The following TNNI3K variants were observed in gnomAD, a reference collection of about 807,000 sequenced individuals.
TNNI3K encodes the protein serine/threonine-protein kinase TNNI3K.
In TNNI3K, 140 loss-of-function variants were observed where a neutral mutation model predicts 114.5. The observed-to-expected ratio is 1.22, with a 90% CI of 1.07 to 1.41. The LOEUF (loss-of-function observed/expected upper bound fraction) is 1.41. Ranked by LOEUF, TNNI3K falls within the 40% of genes most tolerant of loss-of-function variation. The pLI is 0.00. For synonymous variants in TNNI3K, 347 were observed against 347.5 expected, an observed-to-expected ratio of 1.00 and a Z score of 0.02; for missense variants, 1,125 against 1,007.6, an observed-to-expected ratio of 1.12 and a Z score of -1.58.
intron 5 of TNNI3K, among the ~76,000 whole-genome samples, chr1:74,306,322 T>A (rs1658630790): frequency 1.3e-5 from 2 of 152,216 alleles, no homozygotes. Flanking sequence ...TATTGTGAAT[T>A]GTGCTATGAT....
chr1:74,403,733 C>T (rs1664481213), intron 17 of TNNI3K, among the ~76,000 whole-genome samples: 1 of 152,260 alleles, frequency 6.6e-6, no homozygotes, highest in Middle Eastern at 3.4e-3. Context: ...GAATCTTTGG[C>T]ATCATGTATG....
chr1:74,378,641 T>TATATATAAAATATATATA (rs1663044515), intron 17 of TNNI3K: 1 of 123,280 alleles, frequency 8.1e-6, no homozygotes, highest in African/African-American at 3.1e-5. Flanking sequence ...TATATATATA[T>TATATATAAAATATATATA]TTCATTTCAT....
At position 74,259,875 on chromosome 1, in the gene TNNI3K, A is replaced by C. The variant is rs766354339; in HGVS notation, c.333+9106A>C. ...TAGCTAACTAGGCATCCCTTAACCC[A>C]GTCAAGTTGGCACCTAAAATTAAGC... On this transcript the variant is annotated intron_variant, in intron 4 of 24. Transcript: ENST00000326637. 1.3e-4 allele frequency among the ~76,000 whole-genome samples: 20 copies of C among 152,210 alleles called. No individual in the cohort carries two copies. In the South Asian group the frequency reaches 1.4e-3, roughly 11 times the overall value.
chr1:74,349,061 C>G (rs1014958436), intron 9 of TNNI3K, among the ~76,000 whole-genome samples: 2 of 152,158 alleles, frequency 1.3e-5, no homozygotes, highest in Non-Finnish European at 2.9e-5. Context: ...GAGAGGGCAT[C>G]CCTGTCTTGT....
At chr1:74,436,237 A>T (rs1202340521) in intron 18 of TNNI3K, 105 bp downstream of exon 18, 2 of 1,387,272 alleles carry the variant, frequency 1.4e-6, no homozygotes, top group Non-Finnish European at 2.0e-6. Flanking sequence ...TGACAGCTAT[A>T]CTACACTGAA....
chr1:74,479,092 T>C (rs1381660060), intron 21 of TNNI3K, among the ~76,000 whole-genome samples: 1 of 152,170 alleles, frequency 6.6e-6, no homozygotes, highest in Non-Finnish European at 1.5e-5. Context: ...AATAATGATT[T>C]ATAGCACATA....
At chr1:74,274,913 T>C (rs888212846) in intron 5 of TNNI3K, among the ~76,000 whole-genome samples, 1 of 152,128 alleles carries the variant, frequency 6.6e-6, no homozygotes. Context: ...ATGTAATTTA[T>C]TGAATACTGT....
At chr1:74,242,935 C>T (rs909620258) in intron 2 of TNNI3K, among the ~76,000 whole-genome samples, 4 of 152,046 alleles carry the variant, frequency 2.6e-5, no homozygotes, top group African/African-American at 9.7e-5. Flanking sequence ...TTCTCTCCCC[C>T]TTACCCTTCA....
chr1:74,400,069 A>C (rs1298409711), intron 17 of TNNI3K, among the ~76,000 whole-genome samples: 2 of 152,196 alleles, frequency 1.3e-5, no homozygotes, highest in Admixed American at 1.3e-4. Flanking sequence ...ACCCTTAAAG[A>C]ATAAAATACA....
In TNNI3K at chr1:74,436,496, G is replaced by T; in HGVS notation, c.1848G>T (p.Leu616=). The T allele has an allele frequency of 6.3e-7, 1 of 1,586,060 alleles. No individual in the cohort carries two copies. ...DFGESRFLQS[L]DEDNMTKQPG... is the part of the protein sequence containing the mutation. Reference sequence around the variant, plus strand: ...CAGAATCAAGATTTCTACAGTCTCTGGATGAAGACAACATGACAAAACAAC... The same window carrying T: ...CAGAATCAAGATTTCTACAGTCTCTTGATGAAGACAACATGACAAAACAAC... The change falls in exon 19 of 25, where the codon CTG becomes CTT. Residue 616 remains leucine, a synonymous_variant. Coordinates refer to ENST00000326637, the MANE Select transcript of TNNI3K (RefSeq NM_015978.3).
rs770473944 is a variant in TNNI3K, at chr1:74,354,008, C to T, written c.1056C>T (p.His352=). The change falls in exon 11 of 25, where the codon CAC becomes CAT. Residue 352 remains histidine (H), a synonymous_variant. Transcript: ENST00000326637. ...TACACTCTGCTTGCTACCACGGTCA[C>T]ATTCGCCTGGTTCAGTTCTTACTGG... ...TGLHSACYHG[H]IRLVQFLLDN... The T allele has an allele frequency of 3.7e-6, 6 of 1,613,996 alleles. No homozygotes were observed. The highest frequency in any genetic ancestry group is 1.1e-5 in the South Asian group (1 of 91,068).
At chr1:74,385,661 A>G (rs1016049549) in intron 17 of TNNI3K, among the ~76,000 whole-genome samples, 1 of 152,208 alleles carries the variant, frequency 6.6e-6, no homozygotes, top group Non-Finnish European at 1.5e-5. Flanking sequence ...ACAAACCTGT[A>G]TCACACTGAG....
At chr1:74,329,208 T>TG (rs1248969984) in intron 5 of TNNI3K, among the ~76,000 whole-genome samples, 1 of 152,116 alleles carries the variant, frequency 6.6e-6, no homozygotes, top group Non-Finnish European at 1.5e-5. Context: ...AGGTTCAGTT[T>TG]CTTCATCTTT....
chr1:74,391,017 GAAAGT>G (rs1434831444), intron 17 of TNNI3K, among the ~76,000 whole-genome samples: 1 of 144,712 alleles, frequency 6.9e-6, no homozygotes, highest in Non-Finnish European at 1.5e-5. Context: ...GAAAGTGATA[GAAAGT>G]AAAATAAAAT....
chr1:74,471,126 A>G (rs1299296896), intron 21 of TNNI3K: 1 of 400,596 alleles, frequency 2.5e-6, no homozygotes, highest in Non-Finnish European at 4.4e-6. Flanking sequence ...TTCCATCAGG[A>G]ATGTGGCCAG....
intron 2 of TNNI3K, among the ~76,000 whole-genome samples, chr1:74,246,163 T>C (rs990976343): frequency 1.6e-4 from 24 of 152,256 alleles, no homozygotes; most frequent in African/African-American, 4.6e-4. Flanking sequence ...TAGAGCTATT[T>C]ATGGTATGGC....
At chr1:74,532,700 C>T (rs1475544860) in intron 23 of TNNI3K, among the ~76,000 whole-genome samples, 3 of 150,812 alleles carry the variant, frequency 2.0e-5, no homozygotes, top group Non-Finnish European at 2.9e-5. Flanking sequence ...CAGCATGGTA[C>T]TGGTACCAAA....
chr1:74,462,879 G>T (rs45593339), intron 20 of TNNI3K, among the ~76,000 whole-genome samples: 3,075 of 152,244 alleles, frequency 0.02, 103 homozygotes, highest in African/African-American at 0.07. Flanking sequence ...AAATAAAGAT[G>T]TGAAGTGTCC....
At chr1:74,450,411 A>G (rs1022135522) in intron 20 of TNNI3K, among the ~76,000 whole-genome samples, 11 of 152,180 alleles carry the variant, frequency 7.2e-5, no homozygotes, top group Non-Finnish European at 1.5e-4. Flanking sequence ...AAATCAGAGC[A>G]GAACTAAACT....
Sources: allele counts gnomAD v4.1 joint callset (sites outside exome capture counted in the v4.1 genomes callset), GRCh38; gene constraint gnomAD v4.1.1; transcripts MANE v1.5; gene names NCBI Gene and HGNC (gene_info 2026-07-23, HGNC 2026-07-21).